The following RSRC1 variants were observed in gnomAD, a reference collection of about 807,000 sequenced individuals.
RSRC1 encodes the protein serine/Arginine-related protein 53.
In RSRC1, 39 loss-of-function variants were observed where a neutral mutation model predicts 49.1. That is an observed-to-expected ratio of 0.79 (90% CI 0.61 to 1.04). RSRC1 has a LOEUF of 1.04. Ranked by LOEUF, RSRC1 falls within the 50% of genes least tolerant of loss-of-function variation. The pLI is 0.00. For synonymous variants in RSRC1, 143 were observed against 130.8 expected (o/e 1.09, Z -0.63); for missense variants, 388 against 402.4 (o/e 0.96, Z 0.31).
intron 7 of RSRC1, among the ~76,000 whole-genome samples, chr3:158,525,896 T>A (rs749167275): frequency 4.6e-5 from 7 of 151,864 alleles, no homozygotes; most frequent in Non-Finnish European, 1.0e-4. Flanking sequence ...AGATAGAAAT[T>A]GACTACAGAG....
chr3:158,459,823 A>G (rs190556333), intron 6 of RSRC1, among the ~76,000 whole-genome samples: 1 of 152,150 alleles, frequency 6.6e-6, no homozygotes, highest in African/African-American at 2.4e-5. Flanking sequence ...AGTACTTCAT[A>G]ACACCATTAT....
chr3:158,515,576 C>T (rs1740471375), intron 7 of RSRC1, among the ~76,000 whole-genome samples: 1 of 133,512 alleles, frequency 7.5e-6, no homozygotes, highest in Non-Finnish European at 1.6e-5. Context: ...AATTATGTGT[C>T]TTGGAGTTGC....
chr3:158,374,247 T>C (rs1242752695), intron 6 of RSRC1, among the ~76,000 whole-genome samples: 1 of 152,132 alleles, frequency 6.6e-6, no homozygotes, highest in Non-Finnish European at 1.5e-5. Context: ...CCTATTTATA[T>C]GTAATGCAAT....
intron 4 of RSRC1, among the ~76,000 whole-genome samples, chr3:158,280,151 T>C (rs1329871682): frequency 6.6e-6 from 1 of 152,272 alleles, no homozygotes; most frequent in East Asian, 1.9e-4. Flanking sequence ...TGGAATACTT[T>C]GGATTCAAAG....
At chr3:158,207,662 T>C (rs1730095) in intron 4 of RSRC1, among the ~76,000 whole-genome samples, 8 of 149,054 alleles carry the variant, frequency 5.4e-5, no homozygotes, top group East Asian at 4.0e-4. Context: ...GATAGATAGA[T>C]AGACAGAGAG....
intron 4 of RSRC1, among the ~76,000 whole-genome samples, chr3:158,220,816 A>T (rs976500422): frequency 2.6e-4 from 39 of 151,640 alleles, no homozygotes; most frequent in Non-Finnish European, 1.6e-4. Context: ...AAATAGTTAG[A>T]ATACCATGCA....
chr3:158,459,720 G>A (rs568288948), intron 6 of RSRC1, among the ~76,000 whole-genome samples: 1 of 151,900 alleles, frequency 6.6e-6, no homozygotes, highest in South Asian at 2.1e-4. Flanking sequence ...GATATGGAGT[G>A]GCATAAAAGT....
chr3:158,467,890 C>T (rs1045775547), intron 7 of RSRC1, among the ~76,000 whole-genome samples: 1 of 152,194 alleles, frequency 6.6e-6, no homozygotes, highest in South Asian at 2.1e-4. Flanking sequence ...TAAATACCAG[C>T]ACAGAAGCAA....
chr3:158,433,145 G>A (rs1185264185), intron 6 of RSRC1, among the ~76,000 whole-genome samples: 2 of 151,744 alleles, frequency 1.3e-5, no homozygotes, highest in African/African-American at 2.4e-5. Flanking sequence ...ATAACATCAC[G>A]TAATGCTGTG....
intron 5 of RSRC1, among the ~76,000 whole-genome samples, chr3:158,306,136 GT>G (rs1727826431): frequency 6.6e-6 from 1 of 151,644 alleles, no homozygotes; most frequent in South Asian, 2.1e-4. Flanking sequence ...CTTAATACGT[GT>G]TCATTGTAAT....
chr3:158,305,256 A>T (rs1047961402), intron 5 of RSRC1, among the ~76,000 whole-genome samples: 2 of 151,884 alleles, frequency 1.3e-5, no homozygotes, highest in East Asian at 3.9e-4. Context: ...GCTAACGTTT[A>T]AAAAAAAGGA....
chr3:158,200,547 C>T (rs1308966573), intron 3 of RSRC1, among the ~76,000 whole-genome samples: 2 of 151,840 alleles, frequency 1.3e-5, no homozygotes, highest in African/African-American at 2.4e-5. Context: ...TTATGTCTTT[C>T]CCTTCTTTTT....
chr3:158,222,426 T>C (rs979307576), intron 4 of RSRC1, among the ~76,000 whole-genome samples: 3 of 151,540 alleles, frequency 2.0e-5, no homozygotes, highest in Non-Finnish European at 3.0e-5. Flanking sequence ...CAAAAATAAG[T>C]ATATGAGGTA....
intron 4 of RSRC1, among the ~76,000 whole-genome samples, chr3:158,262,390 T>C (rs544019222): frequency 6.6e-6 from 1 of 152,326 alleles, no homozygotes; most frequent in African/African-American, 2.4e-5. Flanking sequence ...CAAGAGTATA[T>C]TGAATTGCCT....
intron 6 of RSRC1, among the ~76,000 whole-genome samples, chr3:158,362,651 A>G (rs1288616705): frequency 6.6e-6 from 1 of 152,226 alleles, no homozygotes; most frequent in Non-Finnish European, 1.5e-5. Flanking sequence ...ACAGTAAAAC[A>G]TGATTATTTC....
At chr3:158,446,071 T>C (rs1736694449) in intron 6 of RSRC1, among the ~76,000 whole-genome samples, 1 of 152,080 alleles carries the variant, frequency 6.6e-6, no homozygotes, top group Non-Finnish European at 1.5e-5. Flanking sequence ...AAAATATCTA[T>C]TAATAGCAAC....
intron 4 of RSRC1, among the ~76,000 whole-genome samples, chr3:158,219,414 T>TC (rs1483762268): frequency 2.0e-5 from 3 of 151,518 alleles, no homozygotes; most frequent in Non-Finnish European, 4.4e-5. Flanking sequence ...TTACATCTTT[T>TC]CCCCCATCCA....
intron 6 of RSRC1, among the ~76,000 whole-genome samples, chr3:158,355,169 A>G (rs556359012): frequency 5.3e-5 from 8 of 152,020 alleles, no homozygotes; most frequent in African/African-American, 1.9e-4. Context: ...ATTTTGATGA[A>G]GCCCAATTGA....
intron 5 of RSRC1, among the ~76,000 whole-genome samples, chr3:158,348,347 T>C (rs1730680979): frequency 6.6e-6 from 1 of 152,186 alleles, no homozygotes; most frequent in South Asian, 2.1e-4. Flanking sequence ...TTCTCTCTTA[T>C]CATTAATATA....
Sources: allele counts gnomAD v4.1 joint callset (sites outside exome capture counted in the v4.1 genomes callset), GRCh38; gene constraint gnomAD v4.1.1; transcripts MANE v1.5; gene names NCBI Gene and HGNC (gene_info 2026-07-23, HGNC 2026-07-21).